The following RAP1GDS1 variants were observed in gnomAD, a reference collection of about 807,000 sequenced individuals.
The protein encoded by RAP1GDS1 is Rap1 GTPase-GDP dissociation stimulator 1.
A neutral mutation model predicts 71.1 loss-of-function variants in RAP1GDS1; 35 were observed. The ratio of observed to expected loss-of-function variants is 0.49; its 90% CI spans 0.38 to 0.65. The LOEUF (loss-of-function observed/expected upper bound fraction) is 0.65. Among genes scored for constraint, RAP1GDS1 ranks in the 30% least tolerant of loss-of-function variants. RAP1GDS1 has a pLI of 0.00. For missense variants in RAP1GDS1, 663 were observed against 706.1 expected, an observed-to-expected ratio of 0.94 and a Z score of 0.69; for synonymous variants, 229 against 243.1, an observed-to-expected ratio of 0.94 and a Z score of 0.54.
chr4:98,320,539 G>A (rs1327839039), intron 2 of RAP1GDS1, among the ~76,000 whole-genome samples: 1 of 152,148 alleles, frequency 6.6e-6, no homozygotes, highest in East Asian at 1.9e-4. Flanking sequence ...GCTTTGAAGA[G>A]AGCAGTGGTT....
chr4:98,437,660 G>A (rs1198486339), intron 14 of RAP1GDS1, among the ~76,000 whole-genome samples: 1 of 151,950 alleles, frequency 6.6e-6, no homozygotes, highest in Non-Finnish European at 1.5e-5. Context: ...GGGAGTGGTG[G>A]CACACGCCTG....
At chr4:98,271,266 TA>T (rs1444126301) in intron 1 of RAP1GDS1, among the ~76,000 whole-genome samples, 2 of 152,336 alleles carry the variant, frequency 1.3e-5, no homozygotes, top group African/African-American at 4.8e-5. Flanking sequence ...TTTAGCAGAT[TA>T]GTAGACATCT....
intron 1 of RAP1GDS1, among the ~76,000 whole-genome samples, chr4:98,287,844 A>G (rs938573124): frequency 3.3e-5 from 5 of 152,104 alleles, no homozygotes; most frequent in African/African-American, 1.2e-4. Context: ...TTTAGTATTT[A>G]GGTACATTCC....
intron 3 of RAP1GDS1, 22 bp from the exon 4 acceptor site, chr4:98,352,454 T>G (rs770129336): frequency 3.1e-6 from 5 of 1,608,246 alleles, no homozygotes; most frequent in Non-Finnish European, 4.3e-6. Context: ...GATTTTTAAT[T>G]AAACATGTCT....
At chr4:98,264,540 G>T (rs966978732) in intron 1 of RAP1GDS1, among the ~76,000 whole-genome samples, 1 of 152,110 alleles carries the variant, frequency 6.6e-6, no homozygotes, top group African/African-American at 2.4e-5. Context: ...GTGTTTGTTG[G>T]ATATCAACTG....
chr4:98,425,945 T>C (rs2110202549), intron 12 of RAP1GDS1, among the ~76,000 whole-genome samples: 1 of 152,222 alleles, frequency 6.6e-6, no homozygotes, highest in Admixed American at 6.5e-5. Flanking sequence ...CAAATGGAAC[T>C]TTTCTCCAAG....
At chr4:98,277,049 C>T (rs1724318370) in intron 1 of RAP1GDS1, among the ~76,000 whole-genome samples, 1 of 152,096 alleles carries the variant, frequency 6.6e-6, no homozygotes, top group Non-Finnish European at 1.5e-5. Context: ...GATCTCTCAA[C>T]TCCTATACTA....
At chr4:98,310,534 T>C (rs1730058287) in intron 2 of RAP1GDS1, among the ~76,000 whole-genome samples, 2 of 152,200 alleles carry the variant, frequency 1.3e-5, no homozygotes, top group Admixed American at 6.5e-5. Flanking sequence ...AGTTCAAATC[T>C]TTGATTTTTG....
At chr4:98,273,023 G>A (rs930663358) in intron 1 of RAP1GDS1, among the ~76,000 whole-genome samples, 4 of 152,054 alleles carry the variant, frequency 2.6e-5, no homozygotes, top group African/African-American at 9.7e-5. Flanking sequence ...GCAACTTCTC[G>A]TGTAGTTGTA....
At chr4:98,406,144 G>A (rs1746081783) in intron 7 of RAP1GDS1, among the ~76,000 whole-genome samples, 2 of 151,774 alleles carry the variant, frequency 1.3e-5, no homozygotes, top group Non-Finnish European at 2.9e-5. Flanking sequence ...AGAAAAAAGA[G>A]GAAAGAAAAA....
At chr4:98,362,276 G>A (rs746867430) in intron 4 of RAP1GDS1, among the ~76,000 whole-genome samples, 9 of 152,044 alleles carry the variant, frequency 5.9e-5, no homozygotes, top group Non-Finnish European at 1.0e-4. Context: ...GCCCAGGAGT[G>A]CAAGATTAGC....
At chr4:98,363,891 T>C in intron 4 of RAP1GDS1, among the ~76,000 whole-genome samples, 1 of 152,084 alleles carries the variant, frequency 6.6e-6, no homozygotes, top group East Asian at 1.9e-4. Context: ...AGAAAGTATT[T>C]GGAGTGATGG....
chr4:98,393,956 T>C (rs1744129129), intron 6 of RAP1GDS1, among the ~76,000 whole-genome samples: 1 of 152,214 alleles, frequency 6.6e-6, no homozygotes. Flanking sequence ...ATTATATTTC[T>C]GTTGGACAGT....
chr4:98,429,667 A>G (rs960576327), intron 12 of RAP1GDS1, among the ~76,000 whole-genome samples: 4 of 152,164 alleles, frequency 2.6e-5, no homozygotes, highest in African/African-American at 9.7e-5. Flanking sequence ...TTTAATCACA[A>G]AAGAATTTCA....
At chr4:98,391,918 C>G in intron 5 of RAP1GDS1, 34 bp from the exon 6 acceptor site, 1 of 1,542,076 alleles carries the variant, frequency 6.5e-7, no homozygotes, top group Non-Finnish European at 8.7e-7. Context: ...TCAACACTTT[C>G]TTTTCTGTTG....
intron 2 of RAP1GDS1, among the ~76,000 whole-genome samples, chr4:98,336,968 C>T (rs1409632689): frequency 3.3e-5 from 5 of 152,044 alleles, no homozygotes; most frequent in African/African-American, 2.4e-5. Context: ...GATCTCAGCT[C>T]ACTGCAAACT....
chr4:98,332,984 T>G (rs1578478233), intron 2 of RAP1GDS1, among the ~76,000 whole-genome samples: 1 of 152,310 alleles, frequency 6.6e-6, no homozygotes, highest in Non-Finnish European at 1.5e-5. Flanking sequence ...ACTTTTTGTT[T>G]TGTCCTATAT....
At chr4:98,373,351 C>CT (rs1740677115) in intron 4 of RAP1GDS1, among the ~76,000 whole-genome samples, 1 of 151,856 alleles carries the variant, frequency 6.6e-6, no homozygotes, top group African/African-American at 2.4e-5. Flanking sequence ...TTCCGGCTGC[C>CT]TTTAAGAGAT....
chr4:98,377,365 G>A (rs962275768), intron 4 of RAP1GDS1, among the ~76,000 whole-genome samples: 6 of 151,758 alleles, frequency 4.0e-5, no homozygotes, highest in African/African-American at 1.2e-4. Context: ...TTACATCTAT[G>A]TTATGGAAAA....
Sources: gnomAD v4.1 joint callset for allele counts (sites outside exome capture counted in the v4.1 genomes callset) on GRCh38, gnomAD v4.1.1 for gene constraint, MANE v1.5 for transcripts, NCBI Gene and HGNC (gene_info 2026-07-23, HGNC 2026-07-21) for gene names.